The following CYFIP1 variants were observed in gnomAD, a reference collection of about 807,000 sequenced individuals.
The protein encoded by CYFIP1 is cytoplasmic FMR1 interacting protein 1.
CYFIP1 carries 58 observed loss-of-function variants against 163.5 expected under a neutral mutation model. The ratio of observed to expected loss-of-function variants is 0.35; its 90% CI spans 0.29 to 0.44. The LOEUF is 0.44. Ranked by LOEUF, CYFIP1 falls within the 20% of genes least tolerant of loss-of-function variation. The pLI is 1.00. For missense variants in CYFIP1, 1,338 were observed against 1,653.8 expected (o/e 0.81, Z 3.31); for synonymous variants, 663 against 660.7 (o/e 1.00, Z -0.05).
At chr15:22,870,906 C>T (rs1161896871) in intron 30 of CYFIP1, among the ~76,000 whole-genome samples, 1 of 152,182 alleles carries the variant, frequency 6.6e-6, no homozygotes, top group African/African-American at 2.4e-5. Context: ...GAATAAAGAA[C>T]ACGAATTAAG....
chr15:22,955,923 A>T (rs909659637), intron 1 of CYFIP1, among the ~76,000 whole-genome samples: 2 of 152,160 alleles, frequency 1.3e-5, no homozygotes, highest in African/African-American at 4.8e-5. Context: ...AATTTTTTTT[A>T]AATGTGATTT....
intron 1 of CYFIP1, among the ~76,000 whole-genome samples, chr15:22,964,545 C>T (rs753966749): frequency 6.6e-6 from 1 of 152,140 alleles, no homozygotes; most frequent in Non-Finnish European, 1.5e-5. Context: ...CCCTGCCCGG[C>T]AGCTCCCCGG....
chr15:22,898,595 C>T (rs139813670), intron 22 of CYFIP1, among the ~76,000 whole-genome samples: 1,952 of 152,176 alleles, frequency 0.013, 24 homozygotes, highest in Non-Finnish European at 0.022. Flanking sequence ...CGTGCAGCGG[C>T]ATGATCACAG....
chr15:22,943,546 C>T (rs1331683908), intron 5 of CYFIP1, among the ~76,000 whole-genome samples, 192 bp from the exon 6 acceptor site: 2 of 152,220 alleles, frequency 1.3e-5, no homozygotes, highest in African/African-American at 2.4e-5. Flanking sequence ...CTGCTCTGCA[C>T]CATCATTACT....
chr15:22,980,175 G>GA (rs1372857895), intron 1 of CYFIP1, 112 bp downstream of exon 1: 4 of 139,336 alleles, frequency 2.9e-5, no homozygotes, highest in East Asian at 2.2e-4. Context: ...GGGTTGGGGG[G>GA]GAGGGGGGGG....
chr15:22,926,139 T>C (rs749510420), intron 12 of CYFIP1, 32 bp from the exon 13 acceptor site: 5 of 1,612,860 alleles, frequency 3.1e-6, no homozygotes, highest in South Asian at 1.1e-5. Flanking sequence ...AGGTGTTCCA[T>C]ATTGCATGCA....
At chr15:22,935,230 T>C (rs956120) in intron 9 of CYFIP1, among the ~76,000 whole-genome samples, 66,440 of 151,994 alleles carry the variant, frequency 0.44, 15,276 homozygotes, top group Middle Eastern at 0.6. Context: ...ATTAAGGCAG[T>C]GTGGCCCTGG....
At chr15:22,881,095 A>G (rs1164341111) in intron 25 of CYFIP1, among the ~76,000 whole-genome samples, 1 of 152,106 alleles carries the variant, frequency 6.6e-6, no homozygotes, top group Admixed American at 6.5e-5. Flanking sequence ...CGTCTCCTCA[A>G]ACACCAGCAA....
At chr15:22,934,186 T>C (rs1375749349) in intron 9 of CYFIP1, among the ~76,000 whole-genome samples, 26 of 124,354 alleles carry the variant, frequency 2.1e-4, no homozygotes, top group Non-Finnish European at 6.7e-5. Context: ...TCTTTTTTTT[T>C]TTTTTTTTTT....
intron 5 of CYFIP1, 28 bp downstream of exon 5, chr15:22,944,530 A>C: frequency 6.7e-7 from 1 of 1,486,252 alleles, no homozygotes; most frequent in Non-Finnish European, 9.4e-7. Flanking sequence ...TCGGTGTTAC[A>C]CCCCCCCCAG....
intron 23 of CYFIP1, among the ~76,000 whole-genome samples, chr15:22,883,597 C>A (rs532235161): frequency 1.3e-5 from 2 of 152,206 alleles, no homozygotes; most frequent in South Asian, 4.1e-4. Flanking sequence ...GTGGGCAGAT[C>A]ACAAGGTCAG....
intron 23 of CYFIP1, among the ~76,000 whole-genome samples, chr15:22,885,980 G>A (rs1045472523): frequency 7.2e-5 from 11 of 152,138 alleles, no homozygotes; most frequent in Admixed American, 3.9e-4. Context: ...AATTTATAAA[G>A]GAAAGAGGTT....
chr15:22,892,077 G>A (rs1039354905), intron 23 of CYFIP1, among the ~76,000 whole-genome samples: 8 of 152,152 alleles, frequency 5.3e-5, no homozygotes, highest in Non-Finnish European at 1.0e-4. Context: ...GAGGGAAGAC[G>A]CTTTCGCTCT....
intron 26 of CYFIP1, among the ~76,000 whole-genome samples, chr15:22,879,119 G>A (rs1404282760): frequency 7.0e-6 from 1 of 143,284 alleles, no homozygotes; most frequent in Non-Finnish European, 1.5e-5. Flanking sequence ...CGGGGTGACA[G>A]AGCAAGACTC....
At chr15:22,969,932 AGTC>A (rs2063034671) in intron 1 of CYFIP1, among the ~76,000 whole-genome samples, 1 of 152,200 alleles carries the variant, frequency 6.6e-6, no homozygotes, top group African/African-American at 2.4e-5. Context: ...ATAAAAAGGT[AGTC>A]CCTCTGTGCC....
rs2060927247 is a variant in CYFIP1 at position 22,915,131 on chromosome 15, T to TC, written c.1829-250_1829-249insG. On this transcript the variant is annotated intron_variant, in intron 16 of 30. Transcript: ENST00000617928. ...CAGTGGGATCCAGGGGGAAAGTGTC[T>TC]TTTTTTTTTTTTTGAGACAGAGTCT... The TC allele has an allele frequency of 3.3e-5, 3 of 91,402 alleles. No homozygotes were observed. The East Asian group carries it at 5.2e-4, about 16-fold the overall frequency. The allele number at this position is 91,402 out of a possible 1,614,324, so 5.7% of individuals were successfully genotyped here.
At chr15:22,916,423 T>G in intron 16 of CYFIP1, 54 bp downstream of exon 16, 5 of 1,312,398 alleles carry the variant, frequency 3.8e-6, no homozygotes, top group South Asian at 2.6e-5. Flanking sequence ...TTCTAGACGG[T>G]GTTAGTGGTG....
chr15:22,908,685 C>G (rs953014322), intron 21 of CYFIP1, among the ~76,000 whole-genome samples: 2 of 151,726 alleles, frequency 1.3e-5, no homozygotes. Context: ...CCTGCCACCA[C>G]GCCCGCCTAA....
At chr15:22,884,369 G>A (rs2059872364) in intron 23 of CYFIP1, among the ~76,000 whole-genome samples, 1 of 152,204 alleles carries the variant, frequency 6.6e-6, no homozygotes, top group Admixed American at 6.5e-5. Context: ...TTGCAAATGG[G>A]AGAGACTGGC....
Sources: gnomAD v4.1 joint callset for allele counts (sites outside exome capture counted in the v4.1 genomes callset) on GRCh38, gnomAD v4.1.1 for gene constraint, MANE v1.5 for transcripts, NCBI Gene and HGNC (gene_info 2026-07-23, HGNC 2026-07-21) for gene names.